Variants in DCAF4 observed in about 807,000 individuals in gnomAD.
The protein encoded by DCAF4 is DDB1 and CUL4 associated factor 4.
DCAF4 carries 37 observed loss-of-function variants against 60.9 expected under a neutral mutation model. The ratio of observed to expected loss-of-function variants is 0.61; its 90% confidence interval spans 0.47 to 0.80. The LOEUF is 0.80. DCAF4 is among the 30% of genes least tolerant of loss of function. The probability of loss-of-function intolerance (pLI) is 0.00; values close to 1 mark genes in which losing one functional copy is unlikely to be tolerated. For synonymous variants in DCAF4, 243 were observed against 254.8 expected (o/e 0.95, Z 0.44); for missense variants, 577 against 650.0 (o/e 0.89, Z 1.22).
At chr14:72,946,165 T>G in intron 7 of DCAF4, 138 bp downstream of exon 7, 1 of 1,137,798 alleles carries the variant, frequency 8.8e-7, no homozygotes, top group Non-Finnish European at 1.2e-6. Flanking sequence ...ATTTTTTACT[T>G]GAGCCTAGGA....
Position 72,940,328 on chromosome 14 carries a change from TG to T in DCAF4, c.304del (p.Glu102ArgfsTer44). ...LTKESIRQKE[M>X]ESKRLRLLQE... ...AAAGAGAGCATCCGGCAGAAGGAGATGGAGAGCAAGAGACTGCGGCTGCTCC... is the reference window on the plus strand; with the variant it reads ...AAAGAGAGCATCCGGCAGAAGGAGATGAGAGCAAGAGACTGCGGCTGCTCC... On this transcript the variant is annotated frameshift_variant, in exon 4 of 14. Coordinates refer to ENST00000358377, the MANE Select transcript of DCAF4 (RefSeq NM_015604.4). LOFTEE classifies it high-confidence loss of function. 1 of 1,614,074 alleles carries T rather than the reference TG, an allele frequency of 6.2e-7. No homozygotes were observed. The highest frequency in any genetic ancestry group is 8.5e-7 in the Non-Finnish European group (1 of 1,179,996).
At chr14:72,953,748 T>C (rs1336698167) in intron 9 of DCAF4, among the ~76,000 whole-genome samples, 1 of 85,182 alleles carries the variant, frequency 1.2e-5, no homozygotes, top group Non-Finnish European at 2.3e-5. Context: ...TATATATATA[T>C]ATATATATAT....
At chr14:72,927,520 T>G (rs1316474847) in intron 1 of DCAF4, among the ~76,000 whole-genome samples, 7 of 151,716 alleles carry the variant, frequency 4.6e-5, no homozygotes, top group Non-Finnish European at 1.0e-4. Flanking sequence ...CCCGGCTAAT[T>G]TTTTGTATTT....
intron 1 of DCAF4, among the ~76,000 whole-genome samples, chr14:72,935,757 A>C (rs2140209591): frequency 6.6e-6 from 1 of 152,344 alleles, no homozygotes; most frequent in African/African-American, 2.4e-5. Context: ...AGTGGGACAC[A>C]GTCCTGCCTC....
chr14:72,941,173 C>T (rs922611546), intron 4 of DCAF4, among the ~76,000 whole-genome samples: 8 of 152,084 alleles, frequency 5.3e-5, no homozygotes. Context: ...ACCATGTTGG[C>T]CAGGCTGGTC....
intron 1 of DCAF4, chr14:72,929,808 C>T: frequency 5.2e-6 from 6 of 1,161,830 alleles, no homozygotes; most frequent in Non-Finnish European, 7.8e-6. Flanking sequence ...GATCATGTCC[C>T]GCTACAAACT....
At chr14:72,955,110 C>CAAAAAA (rs1191603255) in intron 11 of DCAF4, among the ~76,000 whole-genome samples, 101 of 129,506 alleles carry the variant, frequency 7.8e-4, no homozygotes, top group Non-Finnish European at 8.7e-4. Flanking sequence ...GACTCTGTCT[C>CAAAAAA]AAAAAAAAAA....
intron 1 of DCAF4, among the ~76,000 whole-genome samples, chr14:72,929,366 A>C (rs1190052019): frequency 6.6e-6 from 1 of 152,160 alleles, no homozygotes; most frequent in African/African-American, 2.4e-5. Context: ...TCTGTGCACT[A>C]CATACACATA....
chr14:72,930,564 C>T (rs1254763947), intron 1 of DCAF4, among the ~76,000 whole-genome samples: 1 of 152,126 alleles, frequency 6.6e-6, no homozygotes, highest in Non-Finnish European at 1.5e-5. Context: ...CCACTGTGTC[C>T]GGCCCTAAAT....
rs752209911 is a variant in DCAF4 at position 72,958,816 on chromosome 14, CACAGCCCAGA to C, written c.*12_*21del. 6.5e-7 allele frequency: 1 copy of C among 1,545,772 alleles called. No individual in the cohort carries two copies. The highest frequency in any genetic ancestry group is 2.3e-5 in the East Asian group (1 of 44,442). ...TACTCCTACAGCTAATTCTGCAGGG[CACAGCCCAGA>C]GCCATGTGGATTTGACTTACGGGAG... On this transcript the variant is annotated 3_prime_UTR_variant, in exon 14 of 14. Coordinates refer to ENST00000358377, the MANE Select transcript of DCAF4 (RefSeq NM_015604.4).
chr14:72,938,053 C>T lies in DCAF4; in HGVS notation c.75C>T (p.Leu25=). The stretch of plus-strand genomic sequence containing the variant: ...ACCAGCAGAACCCTTGGTTCAGACT[C>T]CGTGATTCTGAAGACAGGCAAGTGT... The part of the protein sequence containing the change: ...RSHQQNPWFR[L]RDSEDRSDSR... The change falls in exon 2 of 14, where the codon CTC becomes CTT. Residue 25 remains leucine (L), a synonymous_variant. Transcript: ENST00000358377. 1 of 1,608,166 alleles carries T rather than the reference C, an allele frequency of 6.2e-7. No homozygotes were observed. The highest frequency in any genetic ancestry group is 8.5e-7 in the Non-Finnish European group (1 of 1,178,362).
chr14:72,946,104 C>T (rs1474245357), intron 7 of DCAF4, 77 bp downstream of exon 7: 1 of 1,545,558 alleles, frequency 6.5e-7, no homozygotes, highest in East Asian at 2.3e-5. Context: ...TAGAGGAGAG[C>T]AACTGGGGAA....
intron 1 of DCAF4, among the ~76,000 whole-genome samples, chr14:72,929,440 G>T (rs1256504155): frequency 6.6e-6 from 1 of 152,234 alleles, no homozygotes; most frequent in Non-Finnish European, 1.5e-5. Context: ...GGTGGCTCAC[G>T]CCTGTCATCC....
intron 9 of DCAF4, among the ~76,000 whole-genome samples, chr14:72,953,476 A>G (rs1019465911): frequency 4.0e-5 from 6 of 151,602 alleles, no homozygotes; most frequent in African/African-American, 1.5e-4. Flanking sequence ...TTGGGAGGCC[A>G]AGGCAGGATA....
chr14:72,932,210 T>C (rs567044595), intron 1 of DCAF4, among the ~76,000 whole-genome samples: 1 of 152,286 alleles, frequency 6.6e-6, no homozygotes, highest in East Asian at 1.9e-4. Flanking sequence ...AGGCTGGTCT[T>C]GAACTCCTGA....
At chr14:72,940,007 G>A (rs1889813110) in intron 3 of DCAF4, 105 bp downstream of exon 3, 1 of 1,273,156 alleles carries the variant, frequency 7.9e-7, no homozygotes. Context: ...AACACTCAGG[G>A]AAGGAGCTGG....
intron 1 of DCAF4, among the ~76,000 whole-genome samples, chr14:72,930,770 T>C (rs1001375535): frequency 6.6e-6 from 1 of 152,304 alleles, no homozygotes; most frequent in Non-Finnish European, 1.5e-5. Context: ...CGAGATCCAT[T>C]TTGGTTCATT....
At chr14:72,943,353 C>T (rs904191684) in intron 6 of DCAF4, among the ~76,000 whole-genome samples, 8 of 152,176 alleles carry the variant, frequency 5.3e-5, no homozygotes, top group African/African-American at 1.9e-4. Flanking sequence ...CTGGACCCAG[C>T]CACACCTTGA....
intron 1 of DCAF4, chr14:72,929,773 A>C: frequency 9.4e-7 from 1 of 1,060,020 alleles, no homozygotes; most frequent in Non-Finnish European, 1.5e-6. Flanking sequence ...CGCAGCTCGT[A>C]CGAAGCGAAG....
Sources: allele counts gnomAD v4.1 joint callset (sites outside exome capture counted in the v4.1 genomes callset), GRCh38; gene constraint gnomAD v4.1.1; transcripts MANE v1.5; gene names NCBI Gene and HGNC (gene_info 2026-07-23, HGNC 2026-07-21).